The following TMEM272 variants were observed in gnomAD, a reference collection of about 807,000 sequenced individuals.
TMEM272 encodes the protein transmembrane protein 272.
A neutral mutation model predicts 3.7 loss-of-function variants in TMEM272; 8 were observed. The observed-to-expected ratio is 2.17, with a 90% CI of 1.27 to 3.91. TMEM272 has a LOEUF of 3.91. Ranked by LOEUF, TMEM272 falls within the 30% of genes most tolerant of loss-of-function variation. TMEM272 has a pLI of 0.00. For missense variants in TMEM272, 166 were observed against 91.5 expected (o/e 1.81, Z -3.32); for synonymous variants, 63 against 39.8 (o/e 1.58, Z -2.20).
chr13:51,897,460 TG>T, the TMEM272 span, among the ~76,000 whole-genome samples: 2 of 143,258 alleles, frequency 1.4e-5, no homozygotes, highest in Non-Finnish European at 1.5e-5. Context: ...GTGACCTGCC[TG>T]CCTCAGACTT....
the TMEM272 span, among the ~76,000 whole-genome samples, chr13:51,930,188 T>C: frequency 6.6e-6 from 1 of 151,906 alleles, no homozygotes; most frequent in Non-Finnish European, 1.5e-5. Context: ...AGTTATTATG[T>C]TTAAATTGAG....
chr13:51,824,602 G>T (rs1418962204), intron 3 of TMEM272, among the ~76,000 whole-genome samples: 1 of 152,200 alleles, frequency 6.6e-6, no homozygotes, highest in Non-Finnish European at 1.5e-5. Flanking sequence ...GGCTTGTGGG[G>T]TCTTGTCTCT....
At chr13:51,843,770 G>A (rs1566357327) in intron 1 of TMEM272, among the ~76,000 whole-genome samples, 1 of 152,190 alleles carries the variant, frequency 6.6e-6, no homozygotes, top group Non-Finnish European at 1.5e-5. Flanking sequence ...TCTGCACCTA[G>A]AAGGGCAGTG....
intron 1 of TMEM272, among the ~76,000 whole-genome samples, 178 bp from the exon 2 acceptor site, chr13:51,838,731 C>A (rs1956236724): frequency 1.3e-5 from 2 of 152,144 alleles, no homozygotes; most frequent in South Asian, 4.2e-4. Flanking sequence ...GAGAAAAAGA[C>A]CCCCTATTCC....
At chr13:51,843,476 A>G (rs968617294) in intron 1 of TMEM272, among the ~76,000 whole-genome samples, 14 of 152,338 alleles carry the variant, frequency 9.2e-5, no homozygotes, top group Non-Finnish European at 1.9e-4. Context: ...AATAGAGCAA[A>G]TACATACTAA....
the TMEM272 span, among the ~76,000 whole-genome samples, chr13:51,887,821 C>A: frequency 6.6e-6 from 1 of 152,344 alleles, no homozygotes; most frequent in East Asian, 1.9e-4. Context: ...CACTGGGGAA[C>A]AAGGGGCTGC....
At chr13:51,889,956 C>A in the TMEM272 span, among the ~76,000 whole-genome samples, 1 of 152,064 alleles carries the variant, frequency 6.6e-6, no homozygotes, top group Non-Finnish European at 1.5e-5. Flanking sequence ...GTGGTATTTT[C>A]TTGTGGCAGA....
chr13:51,909,319 G>C, the TMEM272 span: 1 of 923,902 alleles, frequency 1.1e-6, no homozygotes, highest in Non-Finnish European at 1.8e-6. Flanking sequence ...TCTTCTTCAA[G>C]ATCTTTGGCT....
the TMEM272 span, chr13:51,910,020 T>A: frequency 2.0e-6 from 3 of 1,509,362 alleles, no homozygotes; most frequent in Non-Finnish European, 2.8e-6. Context: ...CAGTTTTTCT[T>A]CATTCATTTG....
At chr13:51,929,801 C>A in the TMEM272 span, among the ~76,000 whole-genome samples, 1 of 152,360 alleles carries the variant, frequency 6.6e-6, no homozygotes, top group East Asian at 1.9e-4. Flanking sequence ...ATGCAAATAG[C>A]TCTTAGTGCC....
At chr13:51,909,229 A>G in the TMEM272 span, 10 of 1,235,500 alleles carry the variant, frequency 8.1e-6, no homozygotes, top group South Asian at 7.2e-5. Flanking sequence ...TCAGCAGTCC[A>G]TGCTGCCAAA....
the TMEM272 span, among the ~76,000 whole-genome samples, chr13:51,919,810 G>C: frequency 6.6e-6 from 1 of 152,232 alleles, no homozygotes; most frequent in Non-Finnish European, 1.5e-5. Context: ...CACCGTCCCT[G>C]TGACATTTTC....
chr13:51,878,052 C>T, the TMEM272 span, among the ~76,000 whole-genome samples: 1 of 152,192 alleles, frequency 6.6e-6, no homozygotes, highest in African/African-American at 2.4e-5. Context: ...AACTTACAAT[C>T]ATGGCAGAAG....
chr13:51,921,264 G>A, the TMEM272 span: 1 of 152,246 alleles, frequency 6.6e-6, no homozygotes, highest in African/African-American at 2.4e-5. Flanking sequence ...CGGATATCTA[G>A]CAGGTTTGCC....
intron 2 of TMEM272, among the ~76,000 whole-genome samples, chr13:51,826,967 G>A (rs9634846): frequency 0.6 from 91,715 of 152,054 alleles, 28,376 homozygotes; most frequent in Non-Finnish European, 0.68. Context: ...GGCATCCACT[G>A]AGCCAGGCAG....
chr13:51,922,874 C>T, the TMEM272 span, among the ~76,000 whole-genome samples: 1 of 152,232 alleles, frequency 6.6e-6, no homozygotes, highest in Non-Finnish European at 1.5e-5. Flanking sequence ...CCTCTCTGAT[C>T]CTCCTACCTC....
the TMEM272 span, among the ~76,000 whole-genome samples, chr13:51,905,815 G>A: frequency 1.3e-5 from 2 of 152,244 alleles, no homozygotes; most frequent in Admixed American, 6.5e-5. Context: ...TGAGGACAAT[G>A]CCCCATGGTT....
the TMEM272 span, among the ~76,000 whole-genome samples, chr13:51,860,481 CA>C: frequency 6.6e-6 from 1 of 151,480 alleles, no homozygotes; most frequent in African/African-American, 2.4e-5. Context: ...TCTAAAAAAA[CA>C]CAAAAAATTA....
chr13:51,909,142 G>C, the TMEM272 span: 1 of 1,437,030 alleles, frequency 7.0e-7, no homozygotes, highest in Middle Eastern at 1.8e-4. Flanking sequence ...TTTTCTAAAA[G>C]TTTAATTTTA....
Sources: allele counts gnomAD v4.1 joint callset (sites outside exome capture counted in the v4.1 genomes callset), GRCh38; gene constraint gnomAD v4.1.1; transcripts MANE v1.5; gene names NCBI Gene and HGNC (gene_info 2026-07-23, HGNC 2026-07-21).